The following KLHL29 variants were observed in gnomAD, a reference collection of about 807,000 sequenced individuals.
KLHL29 encodes kelch-like protein 29.
KLHL29 carries 21 observed loss-of-function variants against 80.4 expected under a neutral mutation model. The ratio of observed to expected loss-of-function variants is 0.26; its 90% CI spans 0.19 to 0.38. KLHL29 has a LOEUF of 0.38. Among genes scored for constraint, KLHL29 ranks in the 10% least tolerant of loss-of-function variants. KLHL29 has a pLI of 1.00. For missense variants in KLHL29, 867 were observed against 1,223.9 expected (o/e 0.71, Z 4.35); for synonymous variants, 511 against 526.8 (o/e 0.97, Z 0.41).
intron 2 of KLHL29, among the ~76,000 whole-genome samples, chr2:23,555,129 C>A (rs556412296): frequency 3.4e-5 from 5 of 147,084 alleles, no homozygotes; most frequent in South Asian, 2.1e-4. Flanking sequence ...CTCCCCCCCC[C>A]CCTCAACTTG....
intron 1 of KLHL29, among the ~76,000 whole-genome samples, chr2:23,400,072 C>T (rs1666549916): frequency 6.6e-6 from 1 of 152,184 alleles, no homozygotes; most frequent in South Asian, 2.1e-4. Context: ...TTCAAGTTTT[C>T]GGTGCTGGGG....
At chr2:23,412,067 GT>G (rs1666873618) in intron 1 of KLHL29, among the ~76,000 whole-genome samples, 1 of 148,318 alleles carries the variant, frequency 6.7e-6, no homozygotes, top group African/African-American at 2.5e-5. Flanking sequence ...ATGTGAGGTG[GT>G]TTCCATGCTT....
chr2:23,704,398 C>T (rs1258613974), intron 13 of KLHL29, among the ~76,000 whole-genome samples: 1 of 152,186 alleles, frequency 6.6e-6, no homozygotes, highest in Non-Finnish European at 1.5e-5. Flanking sequence ...GGCTTTCTGG[C>T]CCTGTGGCAG....
intron 1 of KLHL29, among the ~76,000 whole-genome samples, chr2:23,462,994 ATGTT>A (rs1223739699): frequency 1.3e-5 from 2 of 152,014 alleles, no homozygotes; most frequent in Non-Finnish European, 2.9e-5. Flanking sequence ...TAAAAATAAA[ATGTT>A]AATTTAGAAA....
intron 3 of KLHL29, among the ~76,000 whole-genome samples, chr2:23,592,456 G>A (rs919601857): frequency 6.6e-6 from 1 of 152,224 alleles, no homozygotes; most frequent in Non-Finnish European, 1.5e-5. Context: ...TGACCTGGGA[G>A]CCAAGCAGGG....
chr2:23,428,995 A>G (rs1337189765), intron 1 of KLHL29, among the ~76,000 whole-genome samples: 1 of 152,168 alleles, frequency 6.6e-6, no homozygotes, highest in Non-Finnish European at 1.5e-5. Flanking sequence ...AGCTCAAGGT[A>G]TAGCTTTGGT....
intron 1 of KLHL29, among the ~76,000 whole-genome samples, chr2:23,434,857 C>G (rs568444903): frequency 6.6e-6 from 1 of 152,126 alleles, no homozygotes; most frequent in East Asian, 1.9e-4. Context: ...ATCGTGTGGT[C>G]GAGGCAGGCT....
chr2:23,388,791 T>A (rs1318876920), intron 1 of KLHL29, among the ~76,000 whole-genome samples: 1 of 152,044 alleles, frequency 6.6e-6, no homozygotes, highest in East Asian at 1.9e-4. Context: ...ATGGCACCCC[T>A]AATACTAATG....
chr2:23,435,898 TC>T (rs1319382685), intron 1 of KLHL29, among the ~76,000 whole-genome samples: 12 of 138,176 alleles, frequency 8.7e-5, no homozygotes, highest in East Asian at 2.5e-4. Context: ...TCTCTCTCTC[TC>T]TTTTTTTTTT....
chr2:23,556,026 A>G (rs1667282598), intron 2 of KLHL29, among the ~76,000 whole-genome samples: 2 of 152,214 alleles, frequency 1.3e-5, no homozygotes, highest in African/African-American at 4.8e-5. Context: ...CGAACATTCC[A>G]AGAAGTGCTT....
chr2:23,589,129 T>G (rs941764056), intron 3 of KLHL29, among the ~76,000 whole-genome samples: 1 of 152,250 alleles, frequency 6.6e-6, no homozygotes, highest in African/African-American at 2.4e-5. Context: ...GTCTGTGAAT[T>G]TAATATAATC....
At chr2:23,631,123 T>C (rs1295790152) in intron 3 of KLHL29, among the ~76,000 whole-genome samples, 2 of 151,454 alleles carry the variant, frequency 1.3e-5, no homozygotes, top group Non-Finnish European at 1.5e-5. Context: ...GGTTCTGCAG[T>C]TGTAGCTCCC....
intron 2 of KLHL29, among the ~76,000 whole-genome samples, chr2:23,518,876 G>A (rs1039133206): frequency 1.3e-5 from 2 of 152,214 alleles, no homozygotes; most frequent in African/African-American, 4.8e-5. Context: ...GGCTCCAGAT[G>A]TCCTGAGCAG....
intron 2 of KLHL29, among the ~76,000 whole-genome samples, chr2:23,499,504 T>G (rs190970342): frequency 6.6e-6 from 1 of 152,294 alleles, no homozygotes; most frequent in Admixed American, 6.5e-5. Context: ...GGTGACTTGG[T>G]GACGTTCCCT....
chr2:23,469,865 G>T (rs555808288), intron 1 of KLHL29, among the ~76,000 whole-genome samples: 1 of 152,014 alleles, frequency 6.6e-6, no homozygotes, highest in African/African-American at 2.4e-5. Flanking sequence ...TTGTGGAAAT[G>T]CAAGGGTCAT....
intron 3 of KLHL29, among the ~76,000 whole-genome samples, chr2:23,600,293 G>A (rs1369686356): frequency 6.6e-6 from 1 of 152,200 alleles, no homozygotes; most frequent in Non-Finnish European, 1.5e-5. Flanking sequence ...GGGTGGTCTG[G>A]ACAACATGGT....
Position 23,696,608 on chromosome 2 carries a change from C to T in KLHL29, c.2105+95C>T, listed in dbSNP as rs1057233886. 60 of 1,004,870 alleles carry T rather than the reference C, an allele frequency of 6.0e-5. 1 individual carries two copies. In the South Asian group the frequency reaches 7.4e-4, roughly 12 times the overall value. The allele number at this position is 1,004,870 out of a possible 1,614,324, so 62.2% of individuals were successfully genotyped here. ...GTACCTCCCAACACCCACTCAGTGGCGATGGAGCAGAGCCTGGACCATTCA... is the reference window on the plus strand; with the variant it reads ...GTACCTCCCAACACCCACTCAGTGGTGATGGAGCAGAGCCTGGACCATTCA... On this transcript the variant is annotated intron_variant, in intron 11 of 13. Transcript: ENST00000486442. This position sits in a 1 kb window ranked among gnomAD's most constrained non-coding sequence, Gnocchi z 5.5.
Position 23,458,129 on chromosome 2 carries a change from G to A in KLHL29, c.-153-17431G>A, listed in dbSNP as rs148163326. Among the ~76,000 whole-genome samples the A allele has an allele frequency of 3.6e-3, 549 of 152,322 alleles. 4 individuals are homozygous for A. The highest frequency in any genetic ancestry group is 0.013 in the African/African-American group (527 of 41,570). On this transcript the variant is annotated intron_variant, in intron 1 of 13. Transcript: ENST00000486442. Reference sequence around the variant, plus strand: ...CGTCAGTGCACGTCTGCAGGTGGCCGGCGTTGCCCCAGAGAGGGCCCGTTT... The same window carrying A: ...CGTCAGTGCACGTCTGCAGGTGGCCAGCGTTGCCCCAGAGAGGGCCCGTTT...
chr2:23,630,548 A>T (rs1352182451), intron 3 of KLHL29, among the ~76,000 whole-genome samples: 9 of 152,112 alleles, frequency 5.9e-5, no homozygotes, highest in African/African-American at 2.2e-4. Context: ...CAGTGGTGCT[A>T]TCTTGGCTCA....
Sources: allele counts gnomAD v4.1 joint callset (sites outside exome capture counted in the v4.1 genomes callset), GRCh38; gene constraint gnomAD v4.1.1; non-coding constraint Gnocchi (gnomAD v3.1); transcripts MANE v1.5; gene names NCBI Gene and HGNC (gene_info 2026-07-23, HGNC 2026-07-21).